The following ZFHX4 variants were observed in gnomAD, a reference collection of about 807,000 sequenced individuals.
The protein encoded by ZFHX4 is zinc finger homeobox protein 4.
Under a neutral mutation model 267.6 loss-of-function variants are expected in ZFHX4, and 56 were observed. The observed-to-expected ratio is 0.21, with a 90% confidence interval of 0.17 to 0.26. ZFHX4 has a LOEUF of 0.26. Ranked by LOEUF, ZFHX4 falls within the 10% of genes least tolerant of loss-of-function variation. ZFHX4 has a pLI of 1.00. For synonymous variants in ZFHX4, 1,778 were observed against 1,665.6 expected, an observed-to-expected ratio of 1.07 and a Z score of -1.64; for missense variants, 4,332 against 4,420.0, an observed-to-expected ratio of 0.98 and a Z score of 0.56.
chr8:76,830,314 A>G (rs551570753), intron 4 of ZFHX4, among the ~76,000 whole-genome samples: 1 of 152,342 alleles, frequency 6.6e-6, no homozygotes, highest in East Asian at 1.9e-4. Context: ...AGAATACTGG[A>G]TAAACTAAGT....
rs1294364041 is a variant in ZFHX4, at chr8:76,704,066, G to A, written c.-23G>A. On this transcript the variant is annotated 5_prime_UTR_variant, in exon 2 of 11. It removes an upstream start codon present in the reference 5' UTR. Coordinates refer to ENST00000651372, the MANE Select transcript of ZFHX4 (RefSeq NM_024721.5). ...AGGTCCCTGACAGGCTGGATGAAATGAGATCCCCATGTAGCAATTGCCATG... is the reference window on the plus strand; with the variant it reads ...AGGTCCCTGACAGGCTGGATGAAATAAGATCCCCATGTAGCAATTGCCATG... The A allele has an allele frequency of 6.4e-7, 1 of 1,572,558 alleles. No homozygotes were observed. Among genetic ancestry groups the A allele is most frequent in the South Asian group, 1.2e-5 (1 of 82,976 alleles).
chr8:76,743,054 AACCATTTACGCCTT>A (rs1486744529), intron 3 of ZFHX4, among the ~76,000 whole-genome samples: 38 of 152,202 alleles, frequency 2.5e-4, no homozygotes, highest in African/African-American at 7.7e-4. Context: ...TTCCATTTTA[AACCATTTACGCCTT>A]TTACATTTAC....
intron 5 of ZFHX4, among the ~76,000 whole-genome samples, chr8:76,839,531 T>A (rs1812181101): frequency 6.6e-6 from 1 of 152,226 alleles, no homozygotes; most frequent in African/African-American, 2.4e-5. Context: ...GTATTTTCTG[T>A]ATTTCATGAG....
chr8:76,826,198 G>A (rs936996366), intron 4 of ZFHX4, among the ~76,000 whole-genome samples: 7 of 152,150 alleles, frequency 4.6e-5, no homozygotes, highest in African/African-American at 1.4e-4. Context: ...GAAGGTCCCA[G>A]ACTCTTTTAA....
At chr8:76,777,572 A>G (rs1810431282) in intron 3 of ZFHX4, among the ~76,000 whole-genome samples, 1 of 152,226 alleles carries the variant, frequency 6.6e-6, no homozygotes, top group South Asian at 2.1e-4. Flanking sequence ...GAAAATTTAA[A>G]TAAACATTTA....
In ZFHX4 at chr8:76,851,377, G is replaced by A. The variant is rs755334619; in HGVS notation, c.4456G>A (p.Glu1486Lys). 6.2e-7 allele frequency: 1 copy of A among 1,613,904 alleles called. No individual in the cohort carries two copies. Among genetic ancestry groups the A allele is most frequent in the Non-Finnish European group, 8.5e-7 (1 of 1,179,854 alleles). Residue 1486 changes from glutamate (E) to lysine (K), a missense_variant, in exon 10 of 11, where the codon GAA (glutamate) becomes AAA (lysine). Coordinates refer to ENST00000651372, the MANE Select transcript of ZFHX4 (RefSeq NM_024721.5). The stretch of plus-strand genomic sequence containing the variant: ...CCAGGATGACCATGGCCTAGAGCAG[G>A]AAATGGAGAGAGAGTATGAGGTGGA... ...MSQDDHGLEQEMEREYEVDHE... is the reference protein window; with the variant it reads ...MSQDDHGLEQKMEREYEVDHE...
At chr8:76,800,730 A>C (rs116302588) in intron 4 of ZFHX4, among the ~76,000 whole-genome samples, 309 of 152,334 alleles carry the variant, frequency 2.0e-3, no homozygotes, top group African/African-American at 7.0e-3. Context: ...GATGTACCAG[A>C]TTATAAAACT....
At chr8:76,685,245 C>G (rs1464831517) in intron 1 of ZFHX4, among the ~76,000 whole-genome samples, 1 of 152,168 alleles carries the variant, frequency 6.6e-6, no homozygotes, top group South Asian at 2.1e-4. Context: ...TTCCACGAAG[C>G]CAAATTGCCC....
At chr8:76,688,440 A>G (rs112007553) in intron 1 of ZFHX4, among the ~76,000 whole-genome samples, 6 of 152,258 alleles carry the variant, frequency 3.9e-5, no homozygotes, top group Middle Eastern at 3.4e-3. Flanking sequence ...TTTAATTCAT[A>G]AAGTTCTGAA....
At chr8:76,815,112 A>C (rs1054888956) in intron 4 of ZFHX4, among the ~76,000 whole-genome samples, 3 of 152,204 alleles carry the variant, frequency 2.0e-5, no homozygotes, top group African/African-American at 7.2e-5. Context: ...AGAGTGAGGG[A>C]AATTATTTGC....
chr8:76,724,428 C>A (rs948702870), intron 3 of ZFHX4, among the ~76,000 whole-genome samples: 3 of 151,992 alleles, frequency 2.0e-5, no homozygotes, highest in African/African-American at 7.2e-5. Flanking sequence ...CCAAGTAAGT[C>A]ATTGATGGTA....
intron 4 of ZFHX4, among the ~76,000 whole-genome samples, chr8:76,798,379 A>T (rs1811036804): frequency 6.6e-6 from 1 of 152,180 alleles, no homozygotes; most frequent in Admixed American, 6.5e-5. Flanking sequence ...TATGTAAATT[A>T]AAAACTCTGG....
At chr8:76,814,685 C>A (rs1811458599) in intron 4 of ZFHX4, among the ~76,000 whole-genome samples, 1 of 152,154 alleles carries the variant, frequency 6.6e-6, no homozygotes, top group Non-Finnish European at 1.5e-5. Context: ...CCTGAAACCC[C>A]ACTCCACTAA....
At chr8:76,782,591 A>G (rs1810579969) in intron 4 of ZFHX4, among the ~76,000 whole-genome samples, 1 of 151,942 alleles carries the variant, frequency 6.6e-6, no homozygotes, top group South Asian at 2.1e-4. Flanking sequence ...CATTTATAAT[A>G]TTGGGAAACA....
intron 1 of ZFHX4, among the ~76,000 whole-genome samples, chr8:76,701,743 T>C (rs950914973): frequency 4.6e-5 from 7 of 152,144 alleles, no homozygotes; most frequent in Non-Finnish European, 8.8e-5. Flanking sequence ...GCTTAGAAAC[T>C]TTTTTACAAA....
In ZFHX4 at chr8:76,852,775, G is replaced by A. The variant is rs1248614594; in HGVS notation, c.5854G>A (p.Gly1952Ser). 6.2e-7 allele frequency: 1 copy of A among 1,613,436 alleles called. No individual in the cohort carries two copies. The highest frequency in any genetic ancestry group is 2.2e-5 in the East Asian group (1 of 44,868). Residue 1952 changes from glycine (G) to serine (S), a missense_variant, in exon 10 of 11, where the codon GGT becomes AGT. Coordinates refer to ENST00000651372, the MANE Select transcript of ZFHX4 (RefSeq NM_024721.5). ...NTDKLECGTC[G>S]KLFSNVLILK... ...TGACAAACTAGAATGTGGAACATGT[G>A]GTAAATTGTTTTCCAATGTTCTTAT...
chr8:76,853,405 A>G lies in ZFHX4; in HGVS notation c.6484A>G (p.Met2162Val). 6.2e-7 allele frequency: 1 copy of G among 1,613,910 alleles called. No individual in the cohort carries two copies. Among genetic ancestry groups the G allele is most frequent in the Non-Finnish European group, 8.5e-7 (1 of 1,179,868 alleles). Residue 2162 changes from methionine (M) to valine (V), a missense_variant, in exon 10 of 11, where the codon ATG becomes GTG. This residue lies in a region of ZFHX4 where 48 missense variants were observed against 95.4 expected (regional missense o/e 0.50). Coordinates refer to ENST00000651372, the MANE Select transcript of ZFHX4 (RefSeq NM_024721.5). The stretch of plus-strand genomic sequence containing the variant: ...TCCAAGTGAAGAACAGATCCAGGAA[A>G]TGGCAGAGAAATCTGGCCTCTCCCA... ...NSPSEEQIQE[M>V]AEKSGLSQKV...
At chr8:76,700,937 T>C (rs372399156) in intron 1 of ZFHX4, among the ~76,000 whole-genome samples, 4 of 152,164 alleles carry the variant, frequency 2.6e-5, no homozygotes, top group East Asian at 3.9e-4. Context: ...TATGCAGTCA[T>C]TTTGGAATTA....
At position 76,854,249 on chromosome 8, in the gene ZFHX4, C is replaced by T. The variant is rs959211685; in HGVS notation, c.7328C>T (p.Thr2443Ile). ...STSSDPPQAS[T>I]AQPQPQPQPP... is the part of the protein sequence containing the mutation. ...TCCTCGGACCCACCACAGGCATCCA[C>T]AGCCCAGCCACAGCCACAGCCACAG... The change falls in exon 10 of 11, where the codon ACA becomes ATA. Residue 2443 changes from threonine (T) to isoleucine (I), a missense_variant. Physicochemically the swap from Thr to Ile is moderately conservative, Grantham distance 89. Coordinates refer to ENST00000651372, the MANE Select transcript of ZFHX4 (RefSeq NM_024721.5). 4 of 1,572,122 alleles carry T rather than the reference C, an allele frequency of 2.5e-6. No homozygotes were observed. Among genetic ancestry groups the T allele is most frequent in the Non-Finnish European group, 3.5e-6 (4 of 1,158,850 alleles).
Sources: gnomAD v4.1 joint callset for allele counts (sites outside exome capture counted in the v4.1 genomes callset) on GRCh38, gnomAD v4.1.1 for gene constraint, gnomAD v4.1.1 regional missense constraint, MANE v1.5 for transcripts, NCBI Gene and HGNC (gene_info 2026-07-23, HGNC 2026-07-21) for gene names.